The following INPP4B variants were observed in gnomAD, a reference collection of about 807,000 sequenced individuals.
The protein encoded by INPP4B is inositol polyphosphate-4-phosphatase type II B.
In INPP4B, 55 loss-of-function variants were observed where a neutral mutation model predicts 122.5. That is an observed-to-expected ratio of 0.45 (90% CI 0.36 to 0.56). The LOEUF is 0.56. Ranked by LOEUF, INPP4B falls within the 20% of genes least tolerant of loss-of-function variation. The probability of loss-of-function intolerance (pLI) is 0.00; values close to 1 mark genes in which losing one functional copy is unlikely to be tolerated. For missense variants in INPP4B, 1,000 were observed against 1,097.7 expected (o/e 0.91, Z 1.26); for synonymous variants, 403 against 388.7 (o/e 1.04, Z -0.43).
intron 2 of INPP4B, among the ~76,000 whole-genome samples, chr4:142,710,143 C>A (rs1762934789): frequency 6.6e-6 from 1 of 152,090 alleles, no homozygotes; most frequent in Non-Finnish European, 1.5e-5. Flanking sequence ...GTCATAGAGG[C>A]AGAATAAAAT....
chr4:142,142,253 T>C (rs1808247444), intron 18 of INPP4B, among the ~76,000 whole-genome samples: 1 of 152,124 alleles, frequency 6.6e-6, no homozygotes, highest in African/African-American at 2.4e-5. Flanking sequence ...TTTTGGAATA[T>C]AGTAACATGT....
At chr4:142,819,270 G>A (rs1456013694) in intron 1 of INPP4B, among the ~76,000 whole-genome samples, 1 of 152,128 alleles carries the variant, frequency 6.6e-6, no homozygotes, top group African/African-American at 2.4e-5. Flanking sequence ...GCTACATCCA[G>A]GGTTCTCCTA....
At chr4:142,464,764 G>C (rs1198085895) in intron 2 of INPP4B, among the ~76,000 whole-genome samples, 1 of 152,082 alleles carries the variant, frequency 6.6e-6, no homozygotes, top group Non-Finnish European at 1.5e-5. Flanking sequence ...CTTTCACCAG[G>C]TAGAATTTAC....
intron 2 of INPP4B, among the ~76,000 whole-genome samples, chr4:142,618,745 A>G (rs373739802): frequency 1.1e-4 from 16 of 152,068 alleles, no homozygotes; most frequent in Admixed American, 3.3e-4. Context: ...ACTATACCAA[A>G]CTAAAAAGCT....
At chr4:142,776,048 G>A (rs758748942) in intron 1 of INPP4B, among the ~76,000 whole-genome samples, 10 of 152,032 alleles carry the variant, frequency 6.6e-5, no homozygotes, top group African/African-American at 1.9e-4. Flanking sequence ...ATGGAGTAGC[G>A]CTGATATGTG....
chr4:142,376,552 C>T (rs1345406575), intron 7 of INPP4B, among the ~76,000 whole-genome samples: 1 of 152,034 alleles, frequency 6.6e-6, no homozygotes. Flanking sequence ...AACACAGTTA[C>T]TCTAGACACC....
chr4:142,705,226 A>G (rs1295364997), intron 2 of INPP4B, among the ~76,000 whole-genome samples: 1 of 152,102 alleles, frequency 6.6e-6, no homozygotes, highest in East Asian at 1.9e-4. Context: ...GTTCAGGACC[A>G]TCGGTTCTCT....
intron 2 of INPP4B, among the ~76,000 whole-genome samples, chr4:142,650,445 C>A (rs2150531332): frequency 6.6e-6 from 1 of 152,082 alleles, no homozygotes; most frequent in South Asian, 2.1e-4. Flanking sequence ...AGTCAAGACC[C>A]ATCAGTGTGC....
At chr4:142,226,398 T>C (rs1851601603) in intron 12 of INPP4B, among the ~76,000 whole-genome samples, 1 of 152,214 alleles carries the variant, frequency 6.6e-6, no homozygotes, top group Non-Finnish European at 1.5e-5. Context: ...TCAAAGAGGT[T>C]GTTTTTTGAT....
rs995616511 is a variant in INPP4B at position 142,659,410 on chromosome 4, G to GA, written c.-191+66428dup. Among the ~76,000 whole-genome samples the GA allele has an allele frequency of 1.2e-3, 168 of 140,010 alleles. 1 individual carries two copies. In the Middle Eastern group the frequency reaches 0.019, roughly 15 times the overall value. 91.9% of individuals were successfully genotyped at this position (140,010 alleles called of 152,430 possible). A position where few individuals can be genotyped will look rare whatever the true frequency, so the allele number is the denominator to read the frequency against. ...GACAGAGTGAGACTCTGTCTCAAAA[G>GA]AAAAAAAAAAGAGGACTGGAGAGAG... is the stretch of plus-strand genomic sequence containing the variant. On this transcript the variant is annotated intron_variant, in intron 2 of 25. Coordinates refer to ENST00000262992, the MANE Select transcript of INPP4B (RefSeq NM_001101669.3).
intron 21 of INPP4B, among the ~76,000 whole-genome samples, chr4:142,121,131 T>A (rs1028070763): frequency 3.3e-5 from 5 of 152,118 alleles, no homozygotes; most frequent in African/African-American, 1.2e-4. Flanking sequence ...GTACTGTTTT[T>A]CAGGTGTGCG....
At chr4:142,258,228 T>G (rs1489275543) in intron 11 of INPP4B, among the ~76,000 whole-genome samples, 13 of 152,172 alleles carry the variant, frequency 8.5e-5, no homozygotes, top group Non-Finnish European at 1.8e-4. Context: ...ACTTAAACGT[T>G]ACACCTAAAA....
At chr4:142,259,201 T>C (rs1414969626) in intron 11 of INPP4B, among the ~76,000 whole-genome samples, 2 of 99,358 alleles carry the variant, frequency 2.0e-5, no homozygotes, top group Non-Finnish European at 3.8e-5. Flanking sequence ...CTGGGGACTG[T>C]TGTGGGGTGG....
At chr4:142,606,165 A>T (rs1380511830) in intron 2 of INPP4B, among the ~76,000 whole-genome samples, 3 of 151,884 alleles carry the variant, frequency 2.0e-5, no homozygotes, top group Non-Finnish European at 4.4e-5. Flanking sequence ...AACAGTGTGT[A>T]TTCTCATTCC....
At chr4:142,603,390 G>C (rs2150307669) in intron 2 of INPP4B, among the ~76,000 whole-genome samples, 1 of 150,630 alleles carries the variant, frequency 6.6e-6, no homozygotes, top group East Asian at 2.0e-4. Context: ...TAAAATAAAA[G>C]TTGAAAAAAA....
At chr4:142,502,808 A>T (rs972916376) in intron 2 of INPP4B, among the ~76,000 whole-genome samples, 9 of 152,082 alleles carry the variant, frequency 5.9e-5, no homozygotes, top group African/African-American at 2.2e-4. Flanking sequence ...CTTACTTTCA[A>T]GCCATCAGGA....
chr4:142,103,539 G>T (rs576588940), intron 23 of INPP4B, among the ~76,000 whole-genome samples: 1 of 151,918 alleles, frequency 6.6e-6, no homozygotes. Context: ...AAAATTTTTT[G>T]AACAACAGCA....
At chr4:142,098,172 T>G (rs1782821111) in intron 23 of INPP4B, among the ~76,000 whole-genome samples, 1 of 151,944 alleles carries the variant, frequency 6.6e-6, no homozygotes, top group African/African-American at 2.4e-5. Flanking sequence ...ATAGAGCCAC[T>G]AAAAAGTCCC....
chr4:142,252,089 A>G (rs1732451238), intron 11 of INPP4B, among the ~76,000 whole-genome samples: 1 of 152,104 alleles, frequency 6.6e-6, no homozygotes, highest in African/African-American at 2.4e-5. Flanking sequence ...TTTGTGAAAT[A>G]TGGATAATGA....
Sources: allele counts gnomAD v4.1 joint callset (sites outside exome capture counted in the v4.1 genomes callset), GRCh38; gene constraint gnomAD v4.1.1; transcripts MANE v1.5; gene names NCBI Gene and HGNC (gene_info 2026-07-23, HGNC 2026-07-21).